PARP8: variants seen among roughly 807,000 people sequenced by gnomAD.
PARP8 encodes the protein protein mono-ADP-ribosyltransferase PARP8.
A neutral mutation model predicts 124.1 loss-of-function variants in PARP8; 51 were observed. The ratio of observed to expected loss-of-function variants is 0.41; its 90% CI spans 0.33 to 0.52. PARP8 has a LOEUF of 0.52. Among genes scored for constraint, PARP8 ranks in the 20% least tolerant of loss-of-function variants. The pLI is 0.21. For missense variants in PARP8, 860 were observed against 1,018.9 expected (o/e 0.84, Z 2.12); for synonymous variants, 391 against 361.5 (o/e 1.08, Z -0.93).
At chr5:50,821,910 A>G (rs1021100645) in intron 16 of PARP8, among the ~76,000 whole-genome samples, 17 of 152,234 alleles carry the variant, frequency 1.1e-4, no homozygotes, top group Non-Finnish European at 1.8e-4. Context: ...GTATGCTATC[A>G]TTTGTATACT....
Position 50,845,671 on chromosome 5 carries a change from AC to A in PARP8, c.*3604del, listed in dbSNP as rs2149741609. Reference sequence around the variant, plus strand: ...GTCACTGGTAACAATGTCAGGGTTAACACCCAATGAATTATTTGAAACAATT... The same window carrying A: ...GTCACTGGTAACAATGTCAGGGTTAAACCCAATGAATTATTTGAAACAATT... On this transcript the variant is annotated 3_prime_UTR_variant, in exon 26 of 26. Coordinates refer to ENST00000281631, the MANE Select transcript of PARP8 (RefSeq NM_024615.4). 6.6e-6 allele frequency: 1 copy of A among 151,918 alleles called. No homozygotes were observed. The highest frequency in any genetic ancestry group is 2.1e-4 in the South Asian group (1 of 4,832). The allele number at this position is 151,918 out of a possible 1,614,324, so 9.4% of individuals were successfully genotyped here.
chr5:50,763,788 TTC>T (rs1210399863), intron 7 of PARP8, among the ~76,000 whole-genome samples: 3 of 152,234 alleles, frequency 2.0e-5, no homozygotes, highest in African/African-American at 7.2e-5. Context: ...CTTTTCTTTT[TTC>T]TCCTTAATGT....
intron 2 of PARP8, among the ~76,000 whole-genome samples, chr5:50,676,555 A>G (rs917152123): frequency 1.3e-5 from 2 of 152,218 alleles, no homozygotes; most frequent in African/African-American, 2.4e-5. Flanking sequence ...AGAGATGGAT[A>G]ATGATTCTGT....
At position 50,821,198 on chromosome 5, in the gene PARP8, T is replaced by C. The variant is rs769954500; in HGVS notation, c.1669-15T>C. The C allele has an allele frequency of 4.3e-6, 7 of 1,613,798 alleles. No individual in the cohort carries two copies. The highest frequency in any genetic ancestry group is 5.1e-6 in the Non-Finnish European group (6 of 1,179,770). The stretch of plus-strand genomic sequence containing the variant: ...AACCTGAAGGGTAGTAACTATCTTA[T>C]GTGTATATTTCAAGGTGGTAGATCT... On this transcript the variant is annotated splice_polypyrimidine_tract_variant and intron_variant, in intron 15 of 25. Coordinates refer to ENST00000281631, the MANE Select transcript of PARP8 (RefSeq NM_024615.4).
chr5:50,668,184 C>T (rs1196710084), intron 2 of PARP8, 59 bp downstream of exon 2: 3 of 1,446,460 alleles, frequency 2.1e-6, no homozygotes, highest in Admixed American at 3.4e-5. Flanking sequence ...TTCCTTTGTT[C>T]TTAGCGTGTT....
At chr5:50,754,331 C>G (rs967605451) in intron 3 of PARP8, among the ~76,000 whole-genome samples, 9 of 151,690 alleles carry the variant, frequency 5.9e-5, no homozygotes, top group South Asian at 4.2e-4. Flanking sequence ...ATCCCTCCCC[C>G]CAGCCTCCCA....
chr5:50,740,957 G>T (rs1304830522), intron 2 of PARP8, among the ~76,000 whole-genome samples: 1 of 152,118 alleles, frequency 6.6e-6, no homozygotes, highest in Non-Finnish European at 1.5e-5. Context: ...TGTAGTGTTT[G>T]TTCCCTTTCC....
In PARP8 at chr5:50,844,153, TAAG is replaced by T. The variant is rs1366017786; in HGVS notation, c.*2088_*2090del. ...ATAATACAAACTGTTCCTGTTGACT[TAAG>T]AATAACAGTAGGTTCACCTATCTGA... On this transcript the variant is annotated 3_prime_UTR_variant, in exon 26 of 26. Coordinates refer to ENST00000281631, the MANE Select transcript of PARP8 (RefSeq NM_024615.4). 4.0e-5 allele frequency: 6 copies of T among 151,832 alleles called. No individual in the cohort carries two copies. Among genetic ancestry groups the T allele is most frequent in the Non-Finnish European group, 7.4e-5 (5 of 67,836 alleles). 9.4% of individuals were successfully genotyped at this position (151,832 alleles called of 1,614,324 possible).
intron 15 of PARP8, among the ~76,000 whole-genome samples, chr5:50,816,819 G>A (rs1745155851): frequency 6.6e-6 from 1 of 152,010 alleles, no homozygotes; most frequent in Admixed American, 6.6e-5. Flanking sequence ...TGACTATGGA[G>A]AGCCTTTTTC....
chr5:50,794,104 GT>G lies in PARP8; in HGVS notation c.738-100del, dbSNP rs199947152. The stretch of plus-strand genomic sequence containing the variant: ...ATTAGCGTCTCACTGATTTCTATGT[GT>G]TTGCATTTATTTGATAAATGCATTT... On this transcript the variant is annotated intron_variant, in intron 10 of 25. Coordinates refer to ENST00000281631, the MANE Select transcript of PARP8 (RefSeq NM_024615.4). 8.7e-3 allele frequency: 11,058 copies of G among 1,267,340 alleles called. 772 individuals are homozygous for G. In the African/African-American group the frequency reaches 0.15, roughly 17 times the overall value. The allele number at this position is 1,267,340 out of a possible 1,614,324, so 78.5% of individuals were successfully genotyped here.
At chr5:50,771,751 T>C (rs1020120394) in intron 7 of PARP8, among the ~76,000 whole-genome samples, 6 of 152,216 alleles carry the variant, frequency 3.9e-5, no homozygotes, top group Admixed American at 6.5e-5. Flanking sequence ...ATAATAATTG[T>C]GCAGATTTGT....
chr5:50,770,172 TTAAC>T (rs1244547040), intron 7 of PARP8, among the ~76,000 whole-genome samples: 2 of 152,220 alleles, frequency 1.3e-5, no homozygotes, highest in African/African-American at 2.4e-5. Context: ...TATAGTTTAC[TTAAC>T]TATTTCCTTA....
intron 3 of PARP8, among the ~76,000 whole-genome samples, chr5:50,753,082 C>A (rs544932453): frequency 5.3e-5 from 8 of 151,474 alleles, no homozygotes; most frequent in Non-Finnish European, 1.2e-4. Flanking sequence ...ATAGAGAGGC[C>A]TTGTGATTTA....
chr5:50,689,335 G>A (rs906510224), intron 2 of PARP8, among the ~76,000 whole-genome samples: 3 of 152,144 alleles, frequency 2.0e-5, no homozygotes, highest in South Asian at 2.1e-4. Context: ...TGTGAAATTA[G>A]AGCCACTTAA....
chr5:50,739,108 C>G (rs1395326553), intron 2 of PARP8: 1 of 702,290 alleles, frequency 1.4e-6, no homozygotes, highest in East Asian at 2.7e-5. Flanking sequence ...AAGTCCCAAG[C>G]TCTACTCTGA....
At chr5:50,780,639 A>G (rs1278880081) in intron 9 of PARP8, among the ~76,000 whole-genome samples, 1 of 152,058 alleles carries the variant, frequency 6.6e-6, no homozygotes, top group African/African-American at 2.4e-5. Flanking sequence ...TAGTGTCACA[A>G]CTCATCTGCT....
At chr5:50,668,213 GTTGC>G in intron 2 of PARP8, 88 bp downstream of exon 2, 1 of 1,286,370 alleles carries the variant, frequency 7.8e-7, no homozygotes, top group Non-Finnish European at 1.1e-6. Context: ...GGGTATTTTG[GTTGC>G]TTGTTTGTTT....
intron 2 of PARP8, among the ~76,000 whole-genome samples, chr5:50,720,176 A>G (rs1755731311): frequency 1.3e-5 from 2 of 152,070 alleles, no homozygotes; most frequent in South Asian, 4.1e-4. Context: ...GCTTACATGA[A>G]AAGAGACATT....
chr5:50,786,432 A>C (rs1424973868), intron 9 of PARP8, among the ~76,000 whole-genome samples: 1 of 149,692 alleles, frequency 6.7e-6, no homozygotes, highest in East Asian at 2.0e-4. Flanking sequence ...TGGCATTATC[A>C]CAGCTCACTG....
Sources: gnomAD v4.1 joint callset for allele counts (sites outside exome capture counted in the v4.1 genomes callset) on GRCh38, gnomAD v4.1.1 for gene constraint, MANE v1.5 for transcripts, NCBI Gene and HGNC (gene_info 2026-07-23, HGNC 2026-07-21) for gene names.